PLCL1: variants seen among roughly 807,000 people sequenced by gnomAD.
The protein encoded by PLCL1 is inactive phospholipase C-like protein 1.
Under a neutral mutation model 84.4 loss-of-function variants are expected in PLCL1, and 41 were observed. That is an observed-to-expected ratio of 0.49 (90% CI 0.38 to 0.63). The LOEUF (loss-of-function observed/expected upper bound fraction) is 0.63. PLCL1 is among the 30% of genes least tolerant of loss of function. PLCL1 has a pLI of 0.00. For synonymous variants in PLCL1, 490 were observed against 488.3 expected (o/e 1.00, Z -0.05); for missense variants, 1,206 against 1,367.8 (o/e 0.88, Z 1.87).
At chr2:198,023,287 A>C (rs1025409522) in intron 1 of PLCL1, among the ~76,000 whole-genome samples, 1 of 152,244 alleles carries the variant, frequency 6.6e-6, no homozygotes, top group African/African-American at 2.4e-5. Context: ...ACCTAGAACC[A>C]TAAAAACCCT....
At chr2:197,953,975 A>C (rs527433039) in intron 1 of PLCL1, among the ~76,000 whole-genome samples, 2 of 152,032 alleles carry the variant, frequency 1.3e-5, no homozygotes, top group East Asian at 3.9e-4. Context: ...ACACATCTCC[A>C]TGATGGGACA....
At chr2:197,926,158 T>C (rs748968277) in intron 1 of PLCL1, among the ~76,000 whole-genome samples, 1 of 152,178 alleles carries the variant, frequency 6.6e-6, no homozygotes, top group Non-Finnish European at 1.5e-5. Context: ...GATTTTTTTC[T>C]ACCTCCAAAG....
At chr2:197,932,287 C>T (rs1439661864) in intron 1 of PLCL1, among the ~76,000 whole-genome samples, 1 of 152,144 alleles carries the variant, frequency 6.6e-6, no homozygotes, top group Non-Finnish European at 1.5e-5. Flanking sequence ...TGTCTAGGAC[C>T]TCTTTTTATA....
At chr2:198,089,952 A>G (rs1692980541) in intron 3 of PLCL1, among the ~76,000 whole-genome samples, 1 of 152,224 alleles carries the variant, frequency 6.6e-6, no homozygotes, top group Non-Finnish European at 1.5e-5. Flanking sequence ...TCAAGAATTT[A>G]AGCAAATGGA....
intron 1 of PLCL1, among the ~76,000 whole-genome samples, chr2:197,909,024 T>C (rs1422494348): frequency 6.6e-6 from 1 of 152,256 alleles, no homozygotes; most frequent in Non-Finnish European, 1.5e-5. Context: ...AGACTCATGC[T>C]ATTTCTCTTG....
chr2:198,102,413 G>T (rs1359911926), intron 4 of PLCL1, among the ~76,000 whole-genome samples: 1 of 152,032 alleles, frequency 6.6e-6, no homozygotes, highest in African/African-American at 2.4e-5. Flanking sequence ...CCACACTCAT[G>T]TTCTTTACTA....
chr2:198,051,905 A>G (rs1444476509), intron 1 of PLCL1, among the ~76,000 whole-genome samples: 1 of 146,794 alleles, frequency 6.8e-6, no homozygotes, highest in East Asian at 2.0e-4. Context: ...GCTAATTATC[A>G]TTATTATTAT....
chr2:197,924,040 G>C (rs1401709688), intron 1 of PLCL1, among the ~76,000 whole-genome samples: 9 of 148,186 alleles, frequency 6.1e-5, no homozygotes, highest in Middle Eastern at 3.5e-3. Context: ...GCAGGCACTC[G>C]GCAGGCTGAG....
chr2:198,143,720 G>A (rs1221017213), intron 5 of PLCL1, among the ~76,000 whole-genome samples: 1 of 151,994 alleles, frequency 6.6e-6, no homozygotes, highest in East Asian at 1.9e-4. Context: ...GCCTTGATTC[G>A]GAAGACCCAA....
intron 1 of PLCL1, among the ~76,000 whole-genome samples, chr2:197,824,828 C>T (rs556454842): frequency 1.2e-4 from 18 of 151,724 alleles, no homozygotes; most frequent in African/African-American, 1.9e-4. Context: ...AGAACTCTTT[C>T]GAGCTGTTCA....
chr2:198,015,100 C>T (rs186828605), intron 1 of PLCL1, among the ~76,000 whole-genome samples: 9 of 152,208 alleles, frequency 5.9e-5, no homozygotes, highest in African/African-American at 1.2e-4. Flanking sequence ...AACTTGATTT[C>T]CACTCCACTA....
intron 1 of PLCL1, among the ~76,000 whole-genome samples, chr2:197,897,102 CT>C (rs1688151258): frequency 5.3e-5 from 2 of 37,532 alleles, no homozygotes; most frequent in African/African-American, 3.0e-4. Context: ...ATGACTCCTT[CT>C]TCTTCTTCTT....
intron 1 of PLCL1, among the ~76,000 whole-genome samples, chr2:197,956,903 A>G (rs375605498): frequency 6.6e-6 from 1 of 151,886 alleles, no homozygotes; most frequent in Non-Finnish European, 1.5e-5. Context: ...TTTCTTTGCT[A>G]TGCAGAAGCT....
chr2:198,021,190 T>A (rs1270180080), intron 1 of PLCL1, among the ~76,000 whole-genome samples: 1 of 152,142 alleles, frequency 6.6e-6, no homozygotes, highest in African/African-American at 2.4e-5. Flanking sequence ...AATAAGTTCT[T>A]TGAAACCAAT....
At chr2:198,110,336 C>T (rs769237792) in intron 5 of PLCL1, among the ~76,000 whole-genome samples, 18 of 151,884 alleles carry the variant, frequency 1.2e-4, no homozygotes, top group South Asian at 6.2e-4. Flanking sequence ...TTTCAATTTC[C>T]GTGGGAAGAG....
intron 1 of PLCL1, among the ~76,000 whole-genome samples, chr2:198,072,800 C>A (rs1359712083): frequency 6.6e-6 from 1 of 152,076 alleles, no homozygotes; most frequent in Non-Finnish European, 1.5e-5. Flanking sequence ...CATGTTGACT[C>A]ATTCCTACAT....
intron 1 of PLCL1, among the ~76,000 whole-genome samples, chr2:197,997,949 C>T (rs1277866981): frequency 6.6e-6 from 1 of 152,068 alleles, no homozygotes; most frequent in Non-Finnish European, 1.5e-5. Flanking sequence ...AATATAAATA[C>T]CTTCTGGGTA....
At position 197,894,608 on chromosome 2, in the gene PLCL1, A is replaced by G. The variant is rs994196200; in HGVS notation, c.240+89269A>G. ...ATGCATGCATGTAAATTAGTTAAGA[A>G]TTGGAATTAAACTGTGGCCGCTTGT... On this transcript the variant is annotated intron_variant, in intron 1 of 5. Transcript: ENST00000428675. 1.1e-4 allele frequency among the ~76,000 whole-genome samples: 17 copies of G among 152,098 alleles called. 1 individual carries two copies. In the East Asian group the frequency reaches 1.5e-3, roughly 14 times the overall value.
intron 3 of PLCL1, among the ~76,000 whole-genome samples, chr2:198,099,307 C>T (rs901840535): frequency 2.6e-5 from 4 of 151,950 alleles, no homozygotes; most frequent in African/African-American, 4.8e-5. Context: ...AAACTCAAAT[C>T]GACCATTTTT....
Sources: gnomAD v4.1 joint callset for allele counts (sites outside exome capture counted in the v4.1 genomes callset) on GRCh38, gnomAD v4.1.1 for gene constraint, MANE v1.5 for transcripts, NCBI Gene and HGNC (gene_info 2026-07-23, HGNC 2026-07-21) for gene names.